The following BRCA2 variants were observed in gnomAD, a reference collection of about 807,000 sequenced individuals.
BRCA2 encodes the protein breast cancer type 2 susceptibility protein.
A neutral mutation model predicts 276.7 loss-of-function variants in BRCA2; 203 were observed. The observed-to-expected ratio is 0.73, with a 90% CI of 0.65 to 0.82. BRCA2 has a LOEUF of 0.82. Among genes scored for constraint, BRCA2 ranks in the 40% least tolerant of loss-of-function variants. BRCA2 has a pLI of 0.00. For missense variants in BRCA2, 3,920 were observed against 3,915.0 expected, an observed-to-expected ratio of 1.00 and a Z score of -0.03; for synonymous variants, 1,289 against 1,338.4, an observed-to-expected ratio of 0.96 and a Z score of 0.81.
rs864622126 is a variant in BRCA2 at position 32,338,475 on chromosome 13, A to G, written c.4120A>G (p.Lys1374Glu). ...ICLKLSGQFM[K>E]EGNTQIKEDL... ...TCTTAAATTATCTGGCCAGTTTATG[A>G]AGGAGGGAAACACTCAGATTAAAGA... Residue 1374 changes from lysine to glutamate, a missense_variant, in exon 11 of 27, where the codon AAG becomes GAG. By Grantham distance (56) the Lys-to-Glu change is moderately conservative. Around this residue, in one of 2 missense-constraint regions of BRCA2, gnomAD observed 3,263 missense variants for 3,156.9 expected, o/e 1.03. Transcript: ENST00000380152. 2 of 1,610,900 alleles carry G rather than the reference A, an allele frequency of 1.2e-6. No individual in the cohort carries two copies. The highest frequency in any genetic ancestry group is 1.7e-6 in the Non-Finnish European group (2 of 1,179,164).
At chr13:32,334,014 C>A (rs1326297475) in intron 10 of BRCA2, among the ~76,000 whole-genome samples, 1 of 152,174 alleles carries the variant, frequency 6.6e-6, no homozygotes, top group Non-Finnish European at 1.5e-5. Flanking sequence ...TTTATCCAGT[C>A]TATCATTGAT....
At chr13:32,378,753 G>T (rs558500577) in intron 21 of BRCA2, among the ~76,000 whole-genome samples, 1 of 152,290 alleles carries the variant, frequency 6.6e-6, no homozygotes, top group South Asian at 2.1e-4. Flanking sequence ...ATTTGCTAAA[G>T]TGAGTAGGAC....
chr13:32,328,978 C>A (rs868834938), intron 7 of BRCA2, among the ~76,000 whole-genome samples: 18 of 152,154 alleles, frequency 1.2e-4, no homozygotes, highest in African/African-American at 3.9e-4. Flanking sequence ...AGCAAAATAG[C>A]ATTCTGTTTT....
chr13:32,318,282 A>T (rs1481038242), intron 2 of BRCA2, among the ~76,000 whole-genome samples: 1 of 152,226 alleles, frequency 6.6e-6, no homozygotes, highest in Non-Finnish European at 1.5e-5. Context: ...CTGTAATGGT[A>T]GAGGATGAAT....
chr13:32,395,960 CTTTTTTTTTTTTTTTTTT>C (rs397838402), intron 25 of BRCA2: 1 of 77,016 alleles, frequency 1.3e-5, no homozygotes, highest in African/African-American at 9.0e-5. Context: ...TTCTTTCTTT[CTTTTTTTTTTTTTTTTTT>C]TTTTTTTTTT....
At chr13:32,353,470 A>C (rs61946964) in intron 13 of BRCA2, among the ~76,000 whole-genome samples, 34,295 of 152,068 alleles carry the variant, frequency 0.23, 3,976 homozygotes, top group East Asian at 0.4. Flanking sequence ...GTAGAGACTA[A>C]AAGCCCTTGT....
intron 4 of BRCA2, among the ~76,000 whole-genome samples, chr13:32,325,828 C>T (rs575149470): frequency 2.6e-4 from 39 of 152,322 alleles, no homozygotes; most frequent in African/African-American, 8.9e-4. Flanking sequence ...GCGTGAACCA[C>T]TGTGCCCGGC....
intron 24 of BRCA2, among the ~76,000 whole-genome samples, chr13:32,386,713 C>A (rs1472850787): frequency 1.3e-5 from 2 of 152,054 alleles, no homozygotes; most frequent in African/African-American, 4.8e-5. Context: ...TTAATTTCTC[C>A]CCCCCTTAGT....
At chr13:32,376,305 T>G (rs539921403) in intron 20 of BRCA2, among the ~76,000 whole-genome samples, 5 of 152,184 alleles carry the variant, frequency 3.3e-5, no homozygotes, top group Admixed American at 2.6e-4. Context: ...GTGGATCACT[T>G]GAGGTCAGGA....
rs747387987 is a variant in BRCA2 at position 32,336,307 on chromosome 13, A to G, written c.1952A>G (p.Asp651Gly). 1.2e-6 allele frequency: 2 copies of G among 1,602,988 alleles called. No homozygotes were observed. Among genetic ancestry groups the G allele is most frequent in the Non-Finnish European group, 1.7e-6 (2 of 1,175,590 alleles). ...SSVKRSCSQNDSEEPTLSLTS... is the reference protein window; with the variant it reads ...SSVKRSCSQNGSEEPTLSLTS... ...GTGAAAAGAAGCTGTTCACAGAATG[A>G]TTCTGAAGAACCAACTTTGTCCTTA... Residue 651 changes from aspartate (D) to glycine (G), a missense_variant, in exon 11 of 27, where the codon GAT (aspartate) becomes GGT (glycine). Physicochemically the swap from Asp to Gly is moderately conservative, Grantham distance 94. This residue lies in a region of BRCA2 where 3,263 missense variants were observed against 3,156.9 expected (regional missense o/e 1.03). Transcript: ENST00000380152.
chr13:32,368,122 C>T (rs554631480), intron 18 of BRCA2, among the ~76,000 whole-genome samples: 7 of 142,404 alleles, frequency 4.9e-5, no homozygotes, highest in African/African-American at 1.0e-4. Context: ...TGGATTCAAG[C>T]GATTCTCCTG....
chr13:32,376,329 C>T (rs1160223647), intron 20 of BRCA2, among the ~76,000 whole-genome samples: 1 of 151,904 alleles, frequency 6.6e-6, no homozygotes, highest in Non-Finnish European at 1.5e-5. Context: ...TGAGACCAGC[C>T]TGGCCAATAT....
rs1386465928 is a variant in BRCA2, at chr13:32,340,526, A to G, written c.6171A>G (p.Gly2057=). ...YNVVNSSAFS[G]FSTASGKQVS... ...TGGTAAATTCATCTGCTTTCTCTGG[A>G]TTTAGTACAGCAAGTGGAAAGCAAG... Residue 2057 remains glycine, a synonymous_variant, in exon 11 of 27, where the codon GGA becomes GGG. Coordinates refer to ENST00000380152, the MANE Select transcript of BRCA2 (RefSeq NM_000059.4). The G allele has an allele frequency of 6.2e-7, 1 of 1,613,392 alleles. No homozygotes were observed. The highest frequency in any genetic ancestry group is 8.5e-7 in the Non-Finnish European group (1 of 1,179,704).
In BRCA2 at chr13:32,330,979, G is replaced by A. The variant is rs55854959; in HGVS notation, c.742G>A (p.Ala248Thr). Reference sequence around the variant, plus strand: ...TCTGAAGAAAAATGATAGATTTATCGCTTCTGTGACAGACAGTGAAAACAC... The same window carrying A: ...TCTGAAGAAAAATGATAGATTTATCACTTCTGTGACAGACAGTGAAAACAC... Reference protein sequence around the residue: ...ESLKKNDRFIASVTDSENTNQ... With the variant: ...ESLKKNDRFITSVTDSENTNQ... Residue 248 changes from alanine (A) to threonine (T), a missense_variant, in exon 9 of 27, where the codon GCT becomes ACT. Ala to Thr is a moderately conservative substitution (Grantham distance 58). This residue lies in a region of BRCA2 where 3,263 missense variants were observed against 3,156.9 expected (regional missense o/e 1.03). Transcript: ENST00000380152. The A allele has an allele frequency of 3.6e-5, 58 of 1,613,662 alleles. No homozygotes were observed. The African/African-American group carries it at 6.0e-4, about 17-fold the overall frequency.
Position 32,336,731 on chromosome 13 carries a change from C to T in BRCA2, c.2376C>T (p.Tyr792=), listed in dbSNP as rs80358503. 6.2e-7 allele frequency: 1 copy of T among 1,613,846 alleles called. No individual in the cohort carries two copies. The highest frequency in any genetic ancestry group is 1.1e-5 in the South Asian group (1 of 91,060). The change falls in exon 11 of 27, where the codon TAC becomes TAT. Residue 792 remains tyrosine, a synonymous_variant. Transcript: ENST00000380152. The stretch of plus-strand genomic sequence containing the variant: ...TGATTTCTAGAGGCAAAGAATCATA[C>T]AAAATGTCAGACAAGCTCAAAGGTA... The part of the protein sequence containing the change: ...LVMISRGKES[Y]KMSDKLKGNN...
At chr13:32,355,703 A>C (rs2072688331) in intron 14 of BRCA2, among the ~76,000 whole-genome samples, 1 of 151,906 alleles carries the variant, frequency 6.6e-6, no homozygotes, top group Non-Finnish European at 1.5e-5. Context: ...CTCTACTAAA[A>C]ATACAAAATA....
chr13:32,322,571 T>C (rs1466150443), intron 3 of BRCA2, among the ~76,000 whole-genome samples: 1 of 152,212 alleles, frequency 6.6e-6, no homozygotes, highest in Non-Finnish European at 1.5e-5. Flanking sequence ...AGAACGCCTT[T>C]AAGCGGTTTT....
At position 32,333,490 on chromosome 13, in the gene BRCA2, T is replaced by G. The variant is rs2072426756; in HGVS notation, c.1909+103T>G. 2.4e-6 allele frequency: 3 copies of G among 1,273,558 alleles called. No individual in the cohort carries two copies. The Admixed American group carries it at 6.9e-5, about 29-fold the overall frequency. The allele number at this position is 1,273,558 out of a possible 1,614,324, so 78.9% of individuals were successfully genotyped here. On this transcript the variant is annotated intron_variant, in intron 10 of 26. Coordinates refer to ENST00000380152, the MANE Select transcript of BRCA2 (RefSeq NM_000059.4). ...TTTTAAAATCTTCATATCTTATATT[T>G]AATCTTAGGCATCATCTGTATACAT...
rs397507293 is a variant in BRCA2 at position 32,337,113 on chromosome 13, C to A, written c.2758C>A (p.Pro920Thr). 3.7e-6 allele frequency: 6 copies of A among 1,613,732 alleles called. No homozygotes were observed. Among genetic ancestry groups the A allele is most frequent in the Non-Finnish European group, 4.2e-6 (5 of 1,179,870 alleles). Reference sequence around the variant, plus strand: ...AACAGACTTGACTTGTGTAAACGAACCCATTTTCAAGAACTCTACCATGGT... The same window carrying A: ...AACAGACTTGACTTGTGTAAACGAAACCATTTTCAAGAACTCTACCATGGT... ...HETDLTCVNE[P>T]IFKNSTMVLY... is the part of the protein sequence containing the mutation. The change falls in exon 11 of 27, where the codon CCC becomes ACC. Residue 920 changes from proline to threonine, a missense_variant. Physicochemically the swap from Pro to Thr is conservative, Grantham distance 38. Around this residue, in one of 2 missense-constraint regions of BRCA2, gnomAD observed 3,263 missense variants for 3,156.9 expected, o/e 1.03. Coordinates refer to ENST00000380152, the MANE Select transcript of BRCA2 (RefSeq NM_000059.4).
Sources: gnomAD v4.1 joint callset for allele counts (sites outside exome capture counted in the v4.1 genomes callset) on GRCh38, gnomAD v4.1.1 for gene constraint, gnomAD v4.1.1 regional missense constraint, MANE v1.5 for transcripts, NCBI Gene and HGNC (gene_info 2026-07-23, HGNC 2026-07-21) for gene names.